PHF20L1: variants seen among roughly 807,000 people sequenced by gnomAD.
PHF20L1 encodes the protein PHD finger protein 20 like 1.
PHF20L1 carries 44 observed loss-of-function variants against 125.5 expected under a neutral mutation model. That is an observed-to-expected ratio of 0.35 (90% CI 0.28 to 0.45). The LOEUF is 0.45. PHF20L1 is among the 20% of genes least tolerant of loss of function. PHF20L1 has a pLI of 1.00. For missense variants in PHF20L1, 1,012 were observed against 1,217.2 expected (o/e 0.83, Z 2.51); for synonymous variants, 380 against 403.1 (o/e 0.94, Z 0.69).
intron 18 of PHF20L1, among the ~76,000 whole-genome samples, chr8:132,841,351 T>C (rs1205827075): frequency 1.3e-5 from 2 of 152,118 alleles, no homozygotes; most frequent in Non-Finnish European, 2.9e-5. Context: ...CCTTGGACTA[T>C]TGGACTGCAG....
chr8:132,813,008 A>C, intron 9 of PHF20L1: 1 of 941,674 alleles, frequency 1.1e-6, no homozygotes, highest in South Asian at 4.9e-5. Flanking sequence ...CTTGCATTAG[A>C]TGCATAATAA....
At chr8:132,780,489 A>C (rs1830302503) in intron 2 of PHF20L1, among the ~76,000 whole-genome samples, 1 of 152,148 alleles carries the variant, frequency 6.6e-6, no homozygotes, top group South Asian at 2.1e-4. Flanking sequence ...TTAATCATTG[A>C]AAATATACAG....
At position 132,799,010 on chromosome 8, in the gene PHF20L1, T is replaced by G. The variant is rs532674277; in HGVS notation, c.430-85T>G. 1.5e-5 allele frequency: 19 copies of G among 1,278,924 alleles called. No homozygotes were observed. The African/African-American group carries it at 2.7e-4, about 18-fold the overall frequency. The allele number at this position is 1,278,924 out of a possible 1,614,324, so 79.2% of individuals were successfully genotyped here. ...CAAATAGCAGCAAGAAAAGGAAGCTTAGACTGTAAAATAAATTATACATTT... is the reference window on the plus strand; with the variant it reads ...CAAATAGCAGCAAGAAAAGGAAGCTGAGACTGTAAAATAAATTATACATTT... On this transcript the variant is annotated intron_variant, in intron 5 of 20. Coordinates refer to ENST00000395386, the MANE Select transcript of PHF20L1 (RefSeq NM_016018.5).
At chr8:132,783,138 TA>T (rs1471461886) in intron 2 of PHF20L1, among the ~76,000 whole-genome samples, 1 of 152,184 alleles carries the variant, frequency 6.6e-6, no homozygotes, top group Non-Finnish European at 1.5e-5. Context: ...AAATTTGAAA[TA>T]TAGAGTCAAT....
At chr8:132,843,138 T>G in intron 19 of PHF20L1, 1 of 1,123,002 alleles carries the variant, frequency 8.9e-7, no homozygotes. Flanking sequence ...TACATTTCGA[T>G]GCTTCTAAAA....
chr8:132,795,712 A>G (rs780713376), intron 4 of PHF20L1, among the ~76,000 whole-genome samples: 3 of 152,064 alleles, frequency 2.0e-5, no homozygotes, highest in Non-Finnish European at 4.4e-5. Context: ...CCCAGTGGGT[A>G]TTTGAAACTT....
intron 4 of PHF20L1, among the ~76,000 whole-genome samples, chr8:132,796,097 G>A (rs2131472135): frequency 6.6e-6 from 1 of 152,212 alleles, no homozygotes; most frequent in South Asian, 2.1e-4. Flanking sequence ...TAAGTAAGGG[G>A]ACATTTCCTT....
intron 2 of PHF20L1, among the ~76,000 whole-genome samples, chr8:132,784,032 T>C (rs1243546421): frequency 6.6e-6 from 1 of 152,174 alleles, no homozygotes; most frequent in Non-Finnish European, 1.5e-5. Context: ...AACATTTTAC[T>C]TCTTTAACTT....
intron 7 of PHF20L1, 67 bp from the exon 8 acceptor site, chr8:132,804,548 T>C: frequency 7.8e-7 from 1 of 1,286,660 alleles, no homozygotes; most frequent in Non-Finnish European, 1.1e-6. Context: ...TATTTTGCTG[T>C]TAAAAAATCA....
At chr8:132,818,146 A>G (rs1265020635) in intron 12 of PHF20L1, 1 of 151,998 alleles carries the variant, frequency 6.6e-6, no homozygotes, top group Non-Finnish European at 1.5e-5. Flanking sequence ...CTGATATTTT[A>G]AATCTAATAA....
intron 19 of PHF20L1, 81 bp from the exon 20 acceptor site, chr8:132,844,075 A>C: frequency 1.3e-6 from 2 of 1,567,086 alleles, no homozygotes; most frequent in East Asian, 2.3e-5. Flanking sequence ...ACCAGTGATG[A>C]GGTGTTTCCT....
chr8:132,845,839 A>G lies in PHF20L1; in HGVS notation c.2970A>G (p.Arg990=), dbSNP rs1229876054. 6.2e-7 allele frequency: 1 copy of G among 1,610,864 alleles called. No homozygotes were observed. Among genetic ancestry groups the G allele is most frequent in the Non-Finnish European group, 8.5e-7 (1 of 1,177,272 alleles). The part of the protein sequence containing the change: ...GELEPPDPLA[R]LPQLKRHIKQ... ...TGGAGCCACCAGATCCTCTTGCAAG[A>G]TTGCCCCAACTTAAACGCCACATAA... The change falls in exon 21 of 21, where the codon AGA becomes AGG. Residue 990 remains arginine, a synonymous_variant. Transcript: ENST00000395386.
Position 132,816,934 on chromosome 8 carries a change from G to GCCTC in PHF20L1, c.1231_1232insCTCC (p.Arg411ProfsTer16). Reference sequence around the variant, plus strand: ...CCCCTAGACCTTTCAAGCATAGTGAGCGGAGAAGAAGATCTCAGCGTTTAG... The same window carrying GCCTC: ...CCCCTAGACCTTTCAAGCATAGTGAGCCTCCGGAGAAGAAGATCTCAGCGTTTAG... On this transcript the variant is annotated frameshift_variant, in exon 11 of 21. Transcript: ENST00000395386. LOFTEE classifies it high-confidence loss of function. 1 of 1,612,276 alleles carries GCCTC rather than the reference G, an allele frequency of 6.2e-7. No individual in the cohort carries two copies. Among genetic ancestry groups the GCCTC allele is most frequent in the Non-Finnish European group, 8.5e-7 (1 of 1,178,824 alleles).
In PHF20L1 at chr8:132,799,181, CT is replaced by C. The variant is rs756365872; in HGVS notation, c.507+17del. On this transcript the variant is annotated intron_variant, in intron 6 of 20. Transcript: ENST00000395386. ...AGTCTATGGGAAGTGAGGTAAGAGC[CT>C]TTTTTTTAAAAATTTTGTTTTGTTT... 59 of 1,570,084 alleles carry C rather than the reference CT, an allele frequency of 3.8e-5. No individual in the cohort carries two copies. The highest frequency in any genetic ancestry group is 1.1e-4 in the African/African-American group (8 of 73,612).
chr8:132,799,947 CT>C (rs1832853181), intron 6 of PHF20L1: 1 of 151,362 alleles, frequency 6.6e-6, no homozygotes, highest in South Asian at 2.1e-4. Context: ...ATAAAGTGTT[CT>C]TTTAAGCATT....
chr8:132,799,303 T>A (rs1265655192), intron 6 of PHF20L1, 131 bp downstream of exon 6: 22 of 573,590 alleles, frequency 3.8e-5, no homozygotes, highest in Non-Finnish European at 6.4e-5. Flanking sequence ...CAAATCATAG[T>A]CATTCATCTT....
At chr8:132,790,567 C>G (rs1300914871) in intron 2 of PHF20L1, among the ~76,000 whole-genome samples, 2 of 152,176 alleles carry the variant, frequency 1.3e-5, no homozygotes, top group Non-Finnish European at 1.5e-5. Flanking sequence ...TCTCCTTTAC[C>G]TGCTTTACTA....
rs755795670 is a variant in PHF20L1 at position 132,839,556 on chromosome 8, G to A, written c.2361G>A (p.Gly787=). 1.2e-6 allele frequency: 2 copies of A among 1,613,030 alleles called. No individual in the cohort carries two copies. The highest frequency in any genetic ancestry group is 1.7e-6 in the Non-Finnish European group (2 of 1,179,266). The change falls in exon 18 of 21, where the codon GGG becomes GGA. Residue 787 remains glycine (G), a synonymous_variant. Coordinates refer to ENST00000395386, the MANE Select transcript of PHF20L1 (RefSeq NM_016018.5). ...DVYGVTEVLH[G]LQLKIGILKN... ...ATGGTGTTACAGAAGTGCTACACGG[G>A]CTACAGCTGAAGATTGGAATACTAA... is the stretch of plus-strand genomic sequence containing the variant.
At chr8:132,791,970 C>T (rs1417441905) in intron 2 of PHF20L1, among the ~76,000 whole-genome samples, 1 of 152,178 alleles carries the variant, frequency 6.6e-6, no homozygotes, top group African/African-American at 2.4e-5. Context: ...TATTTGAACT[C>T]ACTTAGATAC....
Sources: allele counts gnomAD v4.1 joint callset (sites outside exome capture counted in the v4.1 genomes callset), GRCh38; gene constraint gnomAD v4.1.1; transcripts MANE v1.5; gene names NCBI Gene and HGNC (gene_info 2026-07-23, HGNC 2026-07-21).